Variants in MAP3K19 observed in about 807,000 individuals in gnomAD.
MAP3K19 encodes the protein SPS1/STE20-related protein kinase YSK4.
A neutral mutation model predicts 114.4 loss-of-function variants in MAP3K19; 91 were observed. The ratio of observed to expected loss-of-function variants is 0.80; its 90% CI spans 0.67 to 0.95. The LOEUF is 0.95. Among genes scored for constraint, MAP3K19 ranks in the 40% least tolerant of loss-of-function variants. The probability of loss-of-function intolerance (pLI) is 0.00; values close to 1 mark genes in which losing one functional copy is unlikely to be tolerated. For missense variants in MAP3K19, 1,471 were observed against 1,573.2 expected (o/e 0.94, Z 1.10); for synonymous variants, 518 against 530.5 (o/e 0.98, Z 0.32).
At position 134,983,814 on chromosome 2, in the gene MAP3K19, A is replaced by G. The variant is rs1231283868; in HGVS notation, c.3084T>C (p.Ser1028=). Residue 1028 remains serine (S), a synonymous_variant, in exon 11 of 13, where the codon AGT becomes AGC. Coordinates refer to ENST00000392915, the MANE Select transcript of MAP3K19 (RefSeq NM_025052.5). ...CCTCCCTGTCATATATCCTGAGCCC[A>G]CTACTATGCCTCTGGAAGAATGAGA... is the stretch of plus-strand genomic sequence containing the variant. ...TTKVKIQRHS[S]GLRIYDREEK... 6.3e-7 allele frequency: 1 copy of G among 1,583,576 alleles called. No homozygotes were observed. The highest frequency in any genetic ancestry group is 8.6e-7 in the Non-Finnish European group (1 of 1,169,008).
In MAP3K19 at chr2:134,998,946, A is replaced by G; in HGVS notation, c.366T>C (p.His122=). The G allele has an allele frequency of 6.2e-7, 1 of 1,614,158 alleles. No individual in the cohort carries two copies. The highest frequency in any genetic ancestry group is 8.5e-7 in the Non-Finnish European group (1 of 1,180,022). Residue 122 remains histidine (H), a synonymous_variant, in exon 8 of 13, where the codon CAT becomes CAC. Transcript: ENST00000392915. ...QEWAQAHAVS[H]PNEIETVELR... ...GCTCCACCGTTTCTATTTCATTTGG[A>G]TGAGAAACTGCATGTGCTTGTGCCC...
At chr2:134,973,250 AT>A (rs1683997918) in intron 12 of MAP3K19, among the ~76,000 whole-genome samples, 1 of 152,142 alleles carries the variant, frequency 6.6e-6, no homozygotes, top group Non-Finnish European at 1.5e-5. Flanking sequence ...CTATGATTGT[AT>A]TAGAGTTTAT....
At chr2:134,971,902 T>C (rs1306710059) in intron 12 of MAP3K19, among the ~76,000 whole-genome samples, 1 of 151,960 alleles carries the variant, frequency 6.6e-6, no homozygotes. Context: ...CTGTATTTCA[T>C]TTAATGCTAC....
At chr2:134,997,140 C>G (rs1369979110) in intron 8 of MAP3K19, among the ~76,000 whole-genome samples, 2 of 152,182 alleles carry the variant, frequency 1.3e-5, no homozygotes, top group African/African-American at 4.8e-5. Flanking sequence ...GAACAAGAGT[C>G]TAGGTCCACT....
At chr2:135,005,061 C>A (rs1686718441) in intron 6 of MAP3K19, among the ~76,000 whole-genome samples, 1 of 152,194 alleles carries the variant, frequency 6.6e-6, no homozygotes. Flanking sequence ...CCCACTGATT[C>A]AGATATGGAC....
intron 2 of MAP3K19, among the ~76,000 whole-genome samples, chr2:135,035,711 G>C (rs1219691650): frequency 6.6e-6 from 1 of 152,092 alleles, no homozygotes; most frequent in Admixed American, 6.5e-5. Flanking sequence ...TTTGAAAATG[G>C]CTTTGCATGC....
chr2:135,016,811 ATCTC>A (rs1047129955), intron 5 of MAP3K19, among the ~76,000 whole-genome samples: 1 of 151,934 alleles, frequency 6.6e-6, no homozygotes, highest in Non-Finnish European at 1.5e-5. Context: ...CCTTTATATT[ATCTC>A]TCTCTCTTTC....
rs1209729039 is a variant in MAP3K19 at position 134,988,119 on chromosome 2, A to G, written c.753T>C (p.Ser251=). The change falls in exon 10 of 13, where the codon TCT becomes TCC. Residue 251 remains serine, a synonymous_variant. Transcript: ENST00000392915. The part of the protein sequence containing the change: ...LTSFVPKLSV[S]VRQSDELSPS... ...GGCTGAGCTCATCAGATTGACGAAC[A>G]GACACTGAGAGCTTAGGCACAAAAG... is the stretch of plus-strand genomic sequence containing the variant. 1.9e-6 allele frequency: 3 copies of G among 1,613,998 alleles called. No individual in the cohort carries two copies. In the East Asian group the frequency reaches 6.7e-5, roughly 36 times the overall value.
In MAP3K19 at chr2:134,981,543, G is replaced by A. The variant is rs1184248170; in HGVS notation, c.3223-25C>T. 4 of 1,516,470 alleles carry A rather than the reference G, an allele frequency of 2.6e-6. No homozygotes were observed. The South Asian group carries it at 4.8e-5, about 18-fold the overall frequency. The allele number at this position is 1,516,470 out of a possible 1,614,324, so 93.9% of individuals were successfully genotyped here. ...CCTAGAAGCAAATCAATAATACCTT[G>A]TTATTAAATTAATGACATAACTTAT... On this transcript the variant is annotated intron_variant, in intron 11 of 12. Transcript: ENST00000392915.
intron 12 of MAP3K19, among the ~76,000 whole-genome samples, chr2:134,977,682 A>G (rs1002233585): frequency 6.6e-6 from 1 of 151,960 alleles, no homozygotes; most frequent in African/African-American, 2.4e-5. Context: ...TTTTTTGTAG[A>G]AACAGGGTCT....
intron 12 of MAP3K19, among the ~76,000 whole-genome samples, chr2:134,975,190 G>A (rs1684149974): frequency 6.6e-6 from 1 of 152,218 alleles, no homozygotes; most frequent in East Asian, 1.9e-4. Context: ...TCCAAGGCTT[G>A]CTCAGGTCCT....
intron 11 of MAP3K19, among the ~76,000 whole-genome samples, chr2:134,982,444 G>T (rs2105205574): frequency 6.6e-6 from 1 of 151,270 alleles, no homozygotes; most frequent in South Asian, 2.1e-4. Flanking sequence ...CTCTGCCCCG[G>T]GGTTCAAGCA....
intron 2 of MAP3K19, among the ~76,000 whole-genome samples, chr2:135,032,043 T>C (rs1001419082): frequency 2.0e-5 from 3 of 152,000 alleles, no homozygotes; most frequent in African/African-American, 7.3e-5. Flanking sequence ...TGAGAAGAAC[T>C]TGGAGCCCTC....
chr2:135,032,590 TTTTAA>T (rs1002617463), intron 2 of MAP3K19, among the ~76,000 whole-genome samples: 2 of 151,488 alleles, frequency 1.3e-5, no homozygotes, highest in Admixed American at 6.6e-5. Context: ...TTTGTTTTTT[TTTTAA>T]TTTAATTTAA....
At chr2:134,969,000 G>C (rs567300282) in intron 12 of MAP3K19, among the ~76,000 whole-genome samples, 14 of 152,296 alleles carry the variant, frequency 9.2e-5, no homozygotes, top group African/African-American at 3.4e-4. Flanking sequence ...AAGGCAGGCT[G>C]CTGGGAGGTG....
chr2:135,032,274 T>C (rs957703306), intron 2 of MAP3K19, among the ~76,000 whole-genome samples: 3 of 151,010 alleles, frequency 2.0e-5, no homozygotes, highest in Admixed American at 2.0e-4. Context: ...GGAGAATTGC[T>C]TGAAACCAGG....
At chr2:134,989,228 C>T (rs1036721277) in intron 9 of MAP3K19, among the ~76,000 whole-genome samples, 5 of 152,116 alleles carry the variant, frequency 3.3e-5, no homozygotes, top group South Asian at 2.1e-4. Context: ...TTAAACTTTG[C>T]GGGCAGTAAG....
chr2:135,005,886 A>G (rs1010392185), intron 5 of MAP3K19, among the ~76,000 whole-genome samples: 1 of 152,176 alleles, frequency 6.6e-6, no homozygotes, highest in Non-Finnish European at 1.5e-5. Context: ...AGTCACAGTG[A>G]ACAACCCCAA....
chr2:135,018,900 C>T (rs959345306), intron 5 of MAP3K19, among the ~76,000 whole-genome samples: 7 of 152,088 alleles, frequency 4.6e-5, no homozygotes, highest in African/African-American at 1.4e-4. Flanking sequence ...GCCTGGCCAA[C>T]ATGGTGAAAC....
Sources: gnomAD v4.1 joint callset for allele counts (sites outside exome capture counted in the v4.1 genomes callset) on GRCh38, gnomAD v4.1.1 for gene constraint, MANE v1.5 for transcripts, NCBI Gene and HGNC (gene_info 2026-07-23, HGNC 2026-07-21) for gene names.